RUNX1T1: variants seen among roughly 807,000 people sequenced by gnomAD.
RUNX1T1 encodes the protein protein CBFA2T1.
RUNX1T1 carries 4 observed loss-of-function variants against 62.8 expected under a neutral mutation model. The ratio of observed to expected loss-of-function variants is 0.06; its 90% CI spans 0.03 to 0.15. The LOEUF is 0.15. Among genes scored for constraint, RUNX1T1 ranks in the 10% least tolerant of loss-of-function variants. The probability of loss-of-function intolerance (pLI) is 1.00; values close to 1 mark genes in which losing one functional copy is unlikely to be tolerated. For synonymous variants in RUNX1T1, 291 were observed against 286.0 expected (o/e 1.02, Z -0.18); for missense variants, 508 against 754.3 (o/e 0.67, Z 3.82).
intron 1 of RUNX1T1, among the ~76,000 whole-genome samples, chr8:92,076,641 T>G (rs572979681): frequency 3.3e-5 from 5 of 152,230 alleles, no homozygotes; most frequent in African/African-American, 1.2e-4. Context: ...TTAGCACACA[T>G]AGTTTAAAAC....
intron 10 of RUNX1T1, among the ~76,000 whole-genome samples, chr8:91,963,118 G>C (rs1586694955): frequency 6.6e-6 from 1 of 152,196 alleles, no homozygotes; most frequent in East Asian, 1.9e-4. Context: ...GTGGAATTGT[G>C]CCAAATACAG....
At chr8:91,983,466 A>G (rs2130797472) in intron 8 of RUNX1T1, among the ~76,000 whole-genome samples, 1 of 152,318 alleles carries the variant, frequency 6.6e-6, no homozygotes, top group East Asian at 1.9e-4. Context: ...AGTTAGGGAT[A>G]TAAGTAGGGC....
intron 4 of RUNX1T1, chr8:92,006,324 G>A (rs962443158): frequency 6.6e-6 from 1 of 152,174 alleles, no homozygotes; most frequent in Non-Finnish European, 1.5e-5. Context: ...ATACTGGGAA[G>A]AGTGAACAGC....
intron 1 of RUNX1T1, among the ~76,000 whole-genome samples, chr8:92,038,031 C>G (rs1827738180): frequency 1.4e-5 from 2 of 143,402 alleles, no homozygotes; most frequent in African/African-American, 5.9e-5. Context: ...AATACTTACA[C>G]AACTCAAAAT....
intron 4 of RUNX1T1, chr8:92,010,795 A>T: frequency 2.3e-6 from 1 of 443,514 alleles, no homozygotes; most frequent in Non-Finnish European, 4.0e-6. Flanking sequence ...CTCTTCTTCA[A>T]ACTTTACTTC....
intron 1 of RUNX1T1, chr8:92,081,290 G>C: frequency 1.0e-6 from 1 of 960,346 alleles, no homozygotes; most frequent in Non-Finnish European, 1.2e-6. Context: ...CTTATCATTT[G>C]ATACTAGAAA....
intron 8 of RUNX1T1, among the ~76,000 whole-genome samples, chr8:91,983,606 T>A (rs1482600627): frequency 6.6e-6 from 1 of 152,184 alleles, no homozygotes. Context: ...GAGATCTAAA[T>A]GTATATAAAG....
downstream of RUNX1T1, chr8:91,958,677 C>G (rs1347915006): frequency 1.8e-5 from 3 of 165,784 alleles, no homozygotes; most frequent in Admixed American, 7.0e-5. Context: ...CTACTCTATG[C>G]TACAGCTAAA....
At chr8:92,083,380 C>CA (rs1835582860) in intron 1 of RUNX1T1, among the ~76,000 whole-genome samples, 1 of 152,070 alleles carries the variant, frequency 6.6e-6, no homozygotes, top group Admixed American at 6.6e-5. Context: ...CCAGAATCTA[C>CA]AAGGAACTTA....
exon 1 of RUNX1T1, chr8:92,062,919 A>C: frequency 3.1e-6 from 4 of 1,300,632 alleles, no homozygotes; most frequent in Non-Finnish European, 3.9e-6. Flanking sequence ...AAAAAGCAAA[A>C]AGTGAAATTC....
intron 10 of RUNX1T1, among the ~76,000 whole-genome samples, chr8:91,967,533 A>C (rs1811903650): frequency 6.6e-6 from 1 of 152,232 alleles, no homozygotes. Context: ...TTTTCTAAGC[A>C]GAATGAGCAT....
chr8:92,100,762 T>A (rs887925631), upstream of RUNX1T1, among the ~76,000 whole-genome samples: 2 of 152,234 alleles, frequency 1.3e-5, no homozygotes, highest in African/African-American at 4.8e-5. Flanking sequence ...ATCATAATAT[T>A]ACAAACTAGA....
intron 2 of RUNX1T1, chr8:92,071,330 A>C (rs1833636975): frequency 6.6e-6 from 1 of 152,206 alleles, no homozygotes; most frequent in Non-Finnish European, 1.5e-5. Context: ...ACTACTAATG[A>C]GTCTGACTGG....
intron 1 of RUNX1T1, among the ~76,000 whole-genome samples, chr8:92,092,590 G>A (rs987782540): frequency 2.6e-5 from 4 of 152,112 alleles, no homozygotes; most frequent in African/African-American, 7.2e-5. Context: ...ACAACAGTCC[G>A]GCAGTAAGTT....
intron 1 of RUNX1T1, among the ~76,000 whole-genome samples, chr8:92,098,293 T>C (rs923942570): frequency 6.6e-6 from 1 of 152,200 alleles, no homozygotes; most frequent in African/African-American, 2.4e-5. Context: ...TGACCTTTTA[T>C]TGCAGAATGC....
intron 2 of RUNX1T1, among the ~76,000 whole-genome samples, chr8:92,016,166 G>A (rs1437146900): frequency 6.6e-6 from 1 of 152,126 alleles, no homozygotes; most frequent in Non-Finnish European, 1.5e-5. Context: ...ACAATTCCTT[G>A]ATGACAATTT....
chr8:92,049,009 T>A (rs1829838684), intron 1 of RUNX1T1, among the ~76,000 whole-genome samples: 1 of 152,228 alleles, frequency 6.6e-6, no homozygotes, highest in African/African-American at 2.4e-5. Context: ...TCTGGAGGCC[T>A]GTGGCCCAGC....
At chr8:91,967,345 T>A (rs2130557786) in intron 10 of RUNX1T1, among the ~76,000 whole-genome samples, 1 of 152,150 alleles carries the variant, frequency 6.6e-6, no homozygotes, top group African/African-American at 2.4e-5. Flanking sequence ...CCAAAAGGCA[T>A]CCCAGTTTGG....
At chr8:92,063,101 TA>T (rs35643156), upstream of RUNX1T1, 7,029 of 291,776 alleles carry the variant, frequency 0.024, no homozygotes, top group East Asian at 0.045. Flanking sequence ...GGAACTGTAT[TA>T]AAAAAAAAAA....
Sources: allele counts gnomAD v4.1 joint callset (sites outside exome capture counted in the v4.1 genomes callset), GRCh38; gene constraint gnomAD v4.1.1; transcripts MANE v1.5; gene names NCBI Gene and HGNC (gene_info 2026-07-23, HGNC 2026-07-21).